PCDHGA4: variants seen among roughly 807,000 people sequenced by gnomAD.
The protein encoded by PCDHGA4 is protocadherin gamma subfamily A, 4.
PCDHGA4 carries 38 observed loss-of-function variants against 54.6 expected under a neutral mutation model. The ratio of observed to expected loss-of-function variants is 0.70; its 90% confidence interval spans 0.54 to 0.91. The LOEUF is 0.91. PCDHGA4 is among the 40% of genes least tolerant of loss of function. The pLI, the probability that PCDHGA4 is intolerant of heterozygous loss-of-function variation, is 0.00. For missense variants in PCDHGA4, 1,298 were observed against 1,220.9 expected, an observed-to-expected ratio of 1.06 and a Z score of -0.94; for synonymous variants, 511 against 512.9, an observed-to-expected ratio of 1.00 and a Z score of 0.05.
chr5:141,396,720 C>T (rs1432240411), intron 1 of PCDHGA4: 1 of 151,964 alleles, frequency 6.6e-6, no homozygotes, highest in Non-Finnish European at 1.5e-5. Flanking sequence ...AAGCTAATAC[C>T]TGAATTGATT....
chr5:141,422,433 T>C, intron 1 of PCDHGA4: 2 of 1,609,628 alleles, frequency 1.2e-6, no homozygotes. Context: ...ATGGAAATTA[T>C]TACAAATTGA....
At chr5:141,414,473 G>T (rs371832510) in intron 1 of PCDHGA4, 1 of 1,613,908 alleles carries the variant, frequency 6.2e-7, no homozygotes, top group Non-Finnish European at 8.5e-7. Flanking sequence ...GATGGGGGAA[G>T]TCCTCCTCTA....
In PCDHGA4 at chr5:141,390,150, C is replaced by A. The variant is rs768850867; in HGVS notation, c.2514+32529C>A. The A allele has an allele frequency of 3.7e-6, 6 of 1,613,916 alleles. No homozygotes were observed. The African/African-American group carries it at 8.0e-5, about 22-fold the overall frequency. On this transcript the variant is annotated intron_variant, in intron 1 of 3. Transcript: ENST00000571252. ...TTATTCCTACAATCTATGTGTTGCA[C>A]ATACAGGAAAGACGGAGTTTAATTT...
At chr5:141,497,201 G>A (rs1190666375) in intron 2 of PCDHGA4, among the ~76,000 whole-genome samples, 1 of 93,734 alleles carries the variant, frequency 1.1e-5, no homozygotes, top group African/African-American at 8.6e-5. Flanking sequence ...AGAACAATGT[G>A]AGTGTAATGG....
chr5:141,435,897 A>G (rs1206255678), intron 1 of PCDHGA4, among the ~76,000 whole-genome samples: 2 of 152,166 alleles, frequency 1.3e-5, no homozygotes, highest in East Asian at 1.9e-4. Context: ...TAGAGAATGA[A>G]AGACATCCAA....
Position 141,490,732 on chromosome 5 carries a change from G to A in PCDHGA4, c.2515-4075G>A, listed in dbSNP as rs775388969. 6.2e-6 allele frequency: 10 copies of A among 1,614,188 alleles called. No homozygotes were observed. The highest frequency in any genetic ancestry group is 8.5e-6 in the Non-Finnish European group (10 of 1,180,042). ...CACCTACTCCATTGTAGGAAATCAG[G>A]TTCAGGGAGCCCCAGCCTCCTCCTT... On this transcript the variant is annotated intron_variant, in intron 1 of 3. Transcript: ENST00000571252. This position sits in a 1 kb window ranked among gnomAD's most constrained non-coding sequence, Gnocchi z 5.4.
chr5:141,375,879 G>A, intron 1 of PCDHGA4: 1 of 1,613,144 alleles, frequency 6.2e-7, no homozygotes, highest in South Asian at 1.1e-5. Flanking sequence ...AGAGACTCGG[G>A]CCAGAACGCC....
chr5:141,484,230 G>A (rs1325484143), intron 1 of PCDHGA4, among the ~76,000 whole-genome samples: 2 of 152,174 alleles, frequency 1.3e-5, no homozygotes, highest in Non-Finnish European at 2.9e-5. Flanking sequence ...CAGGTAAAGA[G>A]ATCTGGTCCT....
At chr5:141,395,468 C>T (rs909198422) in intron 1 of PCDHGA4, 2 of 569,714 alleles carry the variant, frequency 3.5e-6, no homozygotes, top group African/African-American at 3.8e-5. Flanking sequence ...TTAAGCCTTC[C>T]AGTATTTTAT....
chr5:141,415,819 TA>T, intron 1 of PCDHGA4: 2 of 1,328,322 alleles, frequency 1.5e-6, no homozygotes, highest in African/African-American at 1.5e-5. Context: ...CTATATATCA[TA>T]AGGCTTTGTT....
At chr5:141,399,653 TG>T in intron 1 of PCDHGA4, 1 of 1,613,606 alleles carries the variant, frequency 6.2e-7, no homozygotes, top group Non-Finnish European at 8.5e-7. Flanking sequence ...CAAAGTGGGG[TG>T]GTGTTCGCGC....
chr5:141,476,920 A>G lies in PCDHGA4; in HGVS notation c.2515-17887A>G. The G allele has an allele frequency of 6.2e-7, 1 of 1,614,094 alleles. No individual in the cohort carries two copies. The highest frequency in any genetic ancestry group is 1.1e-5 in the South Asian group (1 of 91,088). On this transcript the variant is annotated intron_variant, in intron 1 of 3. Coordinates refer to ENST00000571252, the MANE Select transcript of PCDHGA4 (RefSeq NM_018917.4). This position sits in a 1 kb window ranked among gnomAD's most constrained non-coding sequence, Gnocchi z 7.6. ...GCACGCGCGTGGTACAAGTCCTTGC[A>G]ACGGATCTGGATGAAGGCCCCAACG...
intron 2 of PCDHGA4, among the ~76,000 whole-genome samples, chr5:141,504,579 G>T (rs994771989): frequency 2.0e-5 from 3 of 149,174 alleles, no homozygotes; most frequent in Non-Finnish European, 4.4e-5. Context: ...AACACCATCT[G>T]CCCAGGATTC....
chr5:141,390,157 G>A, intron 1 of PCDHGA4: 3 of 1,614,020 alleles, frequency 1.9e-6, no homozygotes, highest in Middle Eastern at 3.3e-4. Context: ...GCACATACAG[G>A]AAAGACGGAG....
At chr5:141,366,647 C>A in intron 1 of PCDHGA4, 1 of 1,614,222 alleles carries the variant, frequency 6.2e-7, no homozygotes, top group Non-Finnish European at 8.5e-7. Context: ...CTTTCCCCAG[C>A]CCAACTACGC....
At chr5:141,475,145 C>T (rs1214674720) in intron 1 of PCDHGA4, among the ~76,000 whole-genome samples, 2 of 151,980 alleles carry the variant, frequency 1.3e-5, no homozygotes, top group Non-Finnish European at 1.5e-5. Flanking sequence ...AAATCTTCTC[C>T]GTCTTCTTCT....
intron 1 of PCDHGA4, chr5:141,364,208 T>G: frequency 8.4e-7 from 1 of 1,193,066 alleles, no homozygotes; most frequent in Non-Finnish European, 1.1e-6. Context: ...CCAGACAAGC[T>G]CCTACGAAAA....
chr5:141,372,910 A>AT, intron 1 of PCDHGA4: 1 of 1,053,676 alleles, frequency 9.5e-7, no homozygotes, highest in East Asian at 2.6e-5. Flanking sequence ...TGATTACATT[A>AT]TTTTATTGAT....
intron 1 of PCDHGA4, chr5:141,361,558 A>G (rs775084773): frequency 6.2e-7 from 1 of 1,614,012 alleles, no homozygotes; most frequent in South Asian, 1.1e-5. Context: ...CGCTCAAATC[A>G]GTGCCTCTGA....
Sources: gnomAD v4.1 joint callset for allele counts (sites outside exome capture counted in the v4.1 genomes callset) on GRCh38, gnomAD v4.1.1 for gene constraint, Gnocchi (gnomAD v3.1) non-coding constraint, MANE v1.5 for transcripts, NCBI Gene and HGNC (gene_info 2026-07-23, HGNC 2026-07-21) for gene names.